The following BMP8A variants were observed in gnomAD, a reference collection of about 807,000 sequenced individuals.
The protein encoded by BMP8A is BMP-8A.
Under a neutral mutation model 36.8 loss-of-function variants are expected in BMP8A, and 14 were observed. The observed-to-expected ratio is 0.38, with a 90% confidence interval of 0.25 to 0.60. BMP8A has a LOEUF of 0.60. BMP8A is among the 20% of genes least tolerant of loss of function. BMP8A has a pLI of 0.63. For synonymous variants in BMP8A, 120 were observed against 237.7 expected (o/e 0.50, Z 4.55); for missense variants, 267 against 551.1 (o/e 0.48, Z 5.16).
intron 1 of BMP8A, among the ~76,000 whole-genome samples, chr1:39,494,729 G>A (rs982166846): frequency 1.5e-4 from 23 of 152,242 alleles, no homozygotes; most frequent in Middle Eastern, 3.4e-3. Flanking sequence ...CATTTCATGC[G>A]CTCAGAGAGA....
At chr1:39,523,319 C>A (rs965855270) in intron 6 of BMP8A, among the ~76,000 whole-genome samples, 4 of 152,336 alleles carry the variant, frequency 2.6e-5, no homozygotes, top group African/African-American at 9.6e-5. Flanking sequence ...CACATAGACC[C>A]ACACCCAAAC....
rs9438922 is a variant in BMP8A, at chr1:39,527,266, C to T, written c.*1468C>T. On this transcript the variant is annotated 3_prime_UTR_variant, in exon 7 of 7. Transcript: ENST00000331593. ...GGGTGGGGAGGTTTGTCTCGGCCTC[C>T]ACTGTTCCCGGAAACCGCTGTTCTC... is the stretch of plus-strand genomic sequence containing the variant. Among the ~76,000 whole-genome samples, 9,110 of 152,214 alleles carry T rather than the reference C, an allele frequency of 0.06. 785 individuals are homozygous for T. Among genetic ancestry groups the T allele is most frequent in the African/African-American group, 0.19 (8,080 of 41,476 alleles).
At position 39,527,812 on chromosome 1, in the gene BMP8A, C is replaced by T. The variant is rs540626075; in HGVS notation, c.*2014C>T. On this transcript the variant is annotated 3_prime_UTR_variant, in exon 7 of 7. Transcript: ENST00000331593. ...GTCAGGACAAGTCCCCTTTCTTATT[C>T]ACGCTTCAGTTTCTCATCTGCAACA... Among the ~76,000 whole-genome samples the T allele has an allele frequency of 6.6e-6, 1 of 152,222 alleles. No individual in the cohort carries two copies. The highest frequency in any genetic ancestry group is 1.5e-5 in the Non-Finnish European group (1 of 68,048).
chr1:39,500,710 T>C (rs1039369208), intron 1 of BMP8A, among the ~76,000 whole-genome samples: 6 of 152,104 alleles, frequency 3.9e-5, no homozygotes, highest in Admixed American at 1.3e-4. Flanking sequence ...TGGAGTGCAG[T>C]GGTACAGTTT....
intron 5 of BMP8A, among the ~76,000 whole-genome samples, 197 bp from the exon 6 acceptor site, chr1:39,522,810 G>A (rs1415883062): frequency 5.9e-5 from 9 of 152,202 alleles, no homozygotes; most frequent in Middle Eastern, 3.4e-3. Flanking sequence ...GCTGGGGAGG[G>A]CCGGCTGGGG....
At chr1:39,506,333 T>C (rs1409561035) in intron 1 of BMP8A, among the ~76,000 whole-genome samples, 4 of 152,060 alleles carry the variant, frequency 2.6e-5, no homozygotes, top group African/African-American at 9.7e-5. Context: ...CTCAGCCTCC[T>C]GAGTAGCTGG....
At chr1:39,523,761 G>A in intron 6 of BMP8A, 2 of 1,215,108 alleles carry the variant, frequency 1.6e-6, no homozygotes, top group Non-Finnish European at 2.1e-6. Context: ...AGTGCTCTGT[G>A]TGTTTGCGGA....
intron 1 of BMP8A, among the ~76,000 whole-genome samples, chr1:39,494,849 G>C (rs1301800243): frequency 6.6e-6 from 1 of 152,122 alleles, no homozygotes; most frequent in Non-Finnish European, 1.5e-5. Context: ...ATGAAGACTC[G>C]GGGCCTCCAG....
chr1:39,506,281 C>T (rs1199306296), intron 1 of BMP8A, among the ~76,000 whole-genome samples: 1 of 152,138 alleles, frequency 6.6e-6, no homozygotes. Context: ...GCAATCTTGG[C>T]TCACTGCAAC....
intron 1 of BMP8A, 57 bp downstream of exon 1, chr1:39,492,382 C>T: frequency 4.9e-6 from 7 of 1,427,698 alleles, no homozygotes; most frequent in Admixed American, 2.8e-5. Context: ...AGGGGAGGGG[C>T]GCGCATCCGC....
rs1429999696 is a variant in BMP8A, at chr1:39,528,120, C to T, written c.*2322C>T. 6.6e-6 allele frequency among the ~76,000 whole-genome samples: 1 copy of T among 152,200 alleles called. No homozygotes were observed. The highest frequency in any genetic ancestry group is 1.5e-5 in the Non-Finnish European group (1 of 68,046). On this transcript the variant is annotated 3_prime_UTR_variant, in exon 7 of 7. Transcript: ENST00000331593. ...TTGTGAAATGAATGTTTTCAAGACG[C>T]AAACGCTGCTATGCCCATCAGGTGT...
In BMP8A at chr1:39,492,594, T is replaced by C. The variant is rs2516301; in HGVS notation, c.334+269T>C. On this transcript the variant is annotated intron_variant, in intron 1 of 6. Transcript: ENST00000331593. ...CCCAGACACACCCAGGAGTAAGAATTAGGTGATGTCTTTGCCCACCTGGGC... is the reference window on the plus strand; with the variant it reads ...CCCAGACACACCCAGGAGTAAGAATCAGGTGATGTCTTTGCCCACCTGGGC... Among the ~76,000 whole-genome samples the C allele has an allele frequency of 3.4e-4, 51 of 152,170 alleles. 1 individual carries two copies. In the East Asian group the frequency reaches 3.7e-3, roughly 11 times the overall value.
At chr1:39,492,410 G>C in intron 1 of BMP8A, 85 bp downstream of exon 1, 1 of 1,384,820 alleles carries the variant, frequency 7.2e-7, no homozygotes, top group Non-Finnish European at 9.3e-7. Flanking sequence ...GCCGGGCCCT[G>C]GCCGAACGGG....
At chr1:39,493,392 A>G (rs993588937) in intron 1 of BMP8A, among the ~76,000 whole-genome samples, 10 of 152,236 alleles carry the variant, frequency 6.6e-5, no homozygotes, top group African/African-American at 1.9e-4. Context: ...CGCAGCCTCT[A>G]TGTTGCTGAG....
intron 1 of BMP8A, among the ~76,000 whole-genome samples, chr1:39,494,563 C>G (rs1347580886): frequency 6.6e-6 from 1 of 152,042 alleles, no homozygotes; most frequent in Non-Finnish European, 1.5e-5. Context: ...CTGTATTGCC[C>G]AGACTGGTCT....
chr1:39,523,979 A>AC (rs1557696068), intron 6 of BMP8A: 31 of 152,550 alleles, frequency 2.0e-4, no homozygotes, highest in Admixed American at 5.4e-4. Flanking sequence ...TAAAAATTAA[A>AC]ACACACACAC....
Position 39,528,098 on chromosome 1 carries a change from T to C in BMP8A, c.*2300T>C, listed in dbSNP as rs1000018830. On this transcript the variant is annotated 3_prime_UTR_variant, in exon 7 of 7. Transcript: ENST00000331593. ...ATGGTTTGGGTGTGCTAGGAGTTTG[T>C]GAAATGAATGTTTTCAAGACGCAAA... 6.6e-6 allele frequency among the ~76,000 whole-genome samples: 1 copy of C among 152,190 alleles called. No homozygotes were observed. Among genetic ancestry groups the C allele is most frequent in the Non-Finnish European group, 1.5e-5 (1 of 68,038 alleles).
In BMP8A at chr1:39,524,812, ATGAG is replaced by A. The variant is rs1645465408; in HGVS notation, c.1060-832_1060-829del. The A allele has an allele frequency of 1.3e-5, 2 of 152,570 alleles. No individual in the cohort carries two copies. The highest frequency in any genetic ancestry group is 4.1e-4 in the South Asian group (2 of 4,828). 9.5% of individuals were successfully genotyped at this position (152,570 alleles called of 1,614,324 possible). On this transcript the variant is annotated intron_variant, in intron 6 of 6. Coordinates refer to ENST00000331593, the MANE Select transcript of BMP8A (RefSeq NM_181809.4). The surrounding 1 kb of genome is among the most constrained non-coding windows in gnomAD (Gnocchi z 4.0). ...GGAGTGGAAGGCAGAGGAGCAGGGG[ATGAG>A]TGAGGGCTGCTGTGGTCACCTGGCA...
At chr1:39,500,249 T>C (rs909182890) in intron 1 of BMP8A, among the ~76,000 whole-genome samples, 10 of 152,228 alleles carry the variant, frequency 6.6e-5, no homozygotes, top group African/African-American at 2.4e-4. Flanking sequence ...CCCCTTACTT[T>C]CCAGGTTTTA....
Sources: allele counts gnomAD v4.1 joint callset (sites outside exome capture counted in the v4.1 genomes callset), GRCh38; gene constraint gnomAD v4.1.1; non-coding constraint Gnocchi (gnomAD v3.1); transcripts MANE v1.5; gene names NCBI Gene and HGNC (gene_info 2026-07-23, HGNC 2026-07-21).